The following HECW2 variants were observed in gnomAD, a reference collection of about 807,000 sequenced individuals.
The protein encoded by HECW2 is HECT, C2 and WW domain containing E3 ubiquitin protein ligase 2.
HECW2 carries 61 observed loss-of-function variants against 175.2 expected under a neutral mutation model. The observed-to-expected ratio is 0.35, with a 90% CI of 0.28 to 0.43. The LOEUF (loss-of-function observed/expected upper bound fraction) is 0.43. Ranked by LOEUF, HECW2 falls within the 20% of genes least tolerant of loss-of-function variation. The pLI is 1.00. For missense variants in HECW2, 1,524 were observed against 2,000.5 expected (o/e 0.76, Z 4.54); for synonymous variants, 671 against 731.0 (o/e 0.92, Z 1.32).
Position 196,586,961 on chromosome 2 carries a change from G to A in HECW2, c.-36+6547C>T, listed in dbSNP as rs917501243. Among the ~76,000 whole-genome samples, 23 of 152,282 alleles carry A rather than the reference G, an allele frequency of 1.5e-4. No individual in the cohort carries two copies. In the South Asian group the frequency reaches 3.5e-3, roughly 23 times the overall value. On this transcript the variant is annotated intron_variant, in intron 1 of 28. Transcript: ENST00000644978. ...TCCACTCCACTGATATTATGCCACA[G>A]CCAACCATGTTATTTGACAAAGGAG... is the stretch of plus-strand genomic sequence containing the variant.
At chr2:196,235,499 T>C (rs553252594) in intron 21 of HECW2, among the ~76,000 whole-genome samples, 100 of 152,270 alleles carry the variant, frequency 6.6e-4, no homozygotes, top group African/African-American at 2.0e-3. Flanking sequence ...TTTCTGACTA[T>C]AAATTTTCCC....
chr2:196,320,390 C>A lies in HECW2; in HGVS notation c.934G>T (p.Val312Leu). The change falls in exon 8 of 29, where the codon GTG (valine) becomes TTG (leucine). Residue 312 changes from valine to leucine, a missense_variant. Physicochemically the swap from Val to Leu is conservative, Grantham distance 32. Around this residue, in one of 11 missense-constraint regions of HECW2, gnomAD observed 604 missense variants for 588.3 expected, o/e 1.03. Coordinates refer to ENST00000644978, the MANE Select transcript of HECW2 (RefSeq NM_001348768.2). ...ACTTTAAACTGGAGGTACCCACTCA[C>A]GTGGTCAGCTGGGAGCCTTCTGCCA... is the stretch of plus-strand genomic sequence containing the variant. ...NLGRRLPADHVSGYLQFKVEV... is the reference protein window; with the variant it reads ...NLGRRLPADHLSGYLQFKVEV... 2.5e-6 allele frequency: 4 copies of A among 1,613,210 alleles called. No individual in the cohort carries two copies. The highest frequency in any genetic ancestry group is 3.4e-6 in the Non-Finnish European group (4 of 1,179,308).
chr2:196,390,548 T>C (rs948979298), intron 2 of HECW2, among the ~76,000 whole-genome samples: 3 of 152,194 alleles, frequency 2.0e-5, no homozygotes, highest in Non-Finnish European at 4.4e-5. Context: ...TCTGTGCCTG[T>C]CTTTGCTCAC....
chr2:196,449,856 T>A (rs1298925315), intron 1 of HECW2, among the ~76,000 whole-genome samples: 2 of 152,172 alleles, frequency 1.3e-5, no homozygotes, highest in Non-Finnish European at 2.9e-5. Context: ...TATAGAAAGA[T>A]AAGACAAGAA....
At chr2:196,229,300 T>C (rs1468438266) in intron 21 of HECW2, among the ~76,000 whole-genome samples, 1 of 152,046 alleles carries the variant, frequency 6.6e-6, no homozygotes, top group East Asian at 1.9e-4. Flanking sequence ...GTGGGCATCA[T>C]TGCATTTTTT....
chr2:196,505,924 A>T (rs773787477), intron 1 of HECW2, among the ~76,000 whole-genome samples: 6 of 152,178 alleles, frequency 3.9e-5, no homozygotes, highest in Admixed American at 1.3e-4. Context: ...ACAGAAATTT[A>T]AAAATACATA....
At chr2:196,321,888 T>C (rs181312471) in intron 7 of HECW2, among the ~76,000 whole-genome samples, 1 of 152,326 alleles carries the variant, frequency 6.6e-6, no homozygotes, top group African/African-American at 2.4e-5. Context: ...GTCTTCTCTA[T>C]CTCCTCAGTA....
chr2:196,248,627 C>G (rs551213966), intron 19 of HECW2, among the ~76,000 whole-genome samples: 13,997 of 148,230 alleles, frequency 0.094, 1,271 homozygotes, highest in African/African-American at 0.24. Context: ...CACACACACA[C>G]ACACAGAGAG....
At chr2:196,394,006 A>T (rs1694589364) in intron 2 of HECW2, among the ~76,000 whole-genome samples, 1 of 152,192 alleles carries the variant, frequency 6.6e-6, no homozygotes, top group Non-Finnish European at 1.5e-5. Flanking sequence ...CTTTGTAGGG[A>T]CATGGATGAA....
intron 1 of HECW2, among the ~76,000 whole-genome samples, chr2:196,506,883 T>C (rs1687778085): frequency 6.6e-6 from 1 of 152,144 alleles, no homozygotes; most frequent in Non-Finnish European, 1.5e-5. Context: ...CAGGCCAAGC[T>C]GACTTATGAC....
intron 1 of HECW2, among the ~76,000 whole-genome samples, chr2:196,469,124 T>TGTGTGC (rs1165487348): frequency 1.1e-4 from 10 of 94,230 alleles, no homozygotes; most frequent in African/African-American, 5.5e-4. Flanking sequence ...TGTGTGCGTG[T>TGTGTGC]GTGTGTGTGT....
At chr2:196,534,915 C>T (rs1688966032) in intron 1 of HECW2, among the ~76,000 whole-genome samples, 1 of 152,142 alleles carries the variant, frequency 6.6e-6, no homozygotes, top group African/African-American at 2.4e-5. Flanking sequence ...TTCTCCACAT[C>T]TTAATGGAGA....
At chr2:196,410,976 G>C (rs1159893743) in intron 2 of HECW2, among the ~76,000 whole-genome samples, 1 of 151,892 alleles carries the variant, frequency 6.6e-6, no homozygotes, top group African/African-American at 2.4e-5. Flanking sequence ...GCAATGCAAT[G>C]GCTCAGCTAG....
chr2:196,336,364 C>T (rs1458060233), intron 3 of HECW2, among the ~76,000 whole-genome samples: 5 of 152,050 alleles, frequency 3.3e-5, no homozygotes, highest in Non-Finnish European at 7.4e-5. Flanking sequence ...GAGGACGGTC[C>T]GAGCAGAATA....
At position 196,202,872 on chromosome 2, in the gene HECW2, T is replaced by C. The variant is rs558911680; in HGVS notation, c.4608-1484A>G. Among the ~76,000 whole-genome samples, 31 of 152,300 alleles carry C rather than the reference T, an allele frequency of 2.0e-4. No individual in the cohort carries two copies. The South Asian group carries it at 6.4e-3, about 32-fold the overall frequency. On this transcript the variant is annotated intron_variant, in intron 28 of 28. Transcript: ENST00000644978. ...ATTTGGAATATTTGCATATATATAA[T>C]GAGATATCTTGGGGAATGGGACCCA...
intron 13 of HECW2, among the ~76,000 whole-genome samples, chr2:196,304,984 T>C (rs948542431): frequency 6.6e-6 from 1 of 152,250 alleles, no homozygotes; most frequent in African/African-American, 2.4e-5. Context: ...ATCTTGTTTC[T>C]GGGACAAGCT....
chr2:196,270,922 T>C (rs1260376055), intron 17 of HECW2, among the ~76,000 whole-genome samples: 2 of 152,116 alleles, frequency 1.3e-5, no homozygotes, highest in African/African-American at 4.8e-5. Context: ...TCTTGATCTC[T>C]TGACCTCGTG....
intron 28 of HECW2, among the ~76,000 whole-genome samples, chr2:196,213,383 C>A (rs1446778586): frequency 6.6e-6 from 1 of 152,126 alleles, no homozygotes; most frequent in Non-Finnish European, 1.5e-5. Flanking sequence ...TTACTCCTAC[C>A]TTAGAGGGAT....
chr2:196,278,133 A>AAAAAAAATATATATATATATATATATAT lies in HECW2; in HGVS notation c.3135+394_3135+395insATATATATATATATATATATATTTTTTT, dbSNP rs531920307. Among the ~76,000 whole-genome samples, 51 of 66,564 alleles carry AAAAAAAATATATATATATATATATATAT rather than the reference A, an allele frequency of 7.7e-4. 2 individuals are homozygous for AAAAAAAATATATATATATATATATATAT. Among genetic ancestry groups the AAAAAAAATATATATATATATATATATAT allele is most frequent in the Non-Finnish European group, 1.3e-3 (38 of 30,286 alleles). The allele number at this position is 66,564 out of a possible 152,430, so 43.7% of individuals were successfully genotyped here. A position where few individuals can be genotyped will look rare whatever the true frequency, so the allele number is the denominator to read the frequency against. On this transcript the variant is annotated intron_variant, in intron 15 of 28. Transcript: ENST00000644978. ...CCTAGAACTTAAAGTATAATTAAAA[A>AAAAAAAATATATATATATATATATATAT]ATATATATATATATATATAAAGAAA... is the stretch of plus-strand genomic sequence containing the variant.
Sources: gnomAD v4.1 joint callset for allele counts (sites outside exome capture counted in the v4.1 genomes callset) on GRCh38, gnomAD v4.1.1 for gene constraint, gnomAD v4.1.1 regional missense constraint, MANE v1.5 for transcripts, NCBI Gene and HGNC (gene_info 2026-07-23, HGNC 2026-07-21) for gene names.